Variants in KCTD16 observed in about 807,000 individuals in gnomAD.
KCTD16 encodes the protein BTB/POZ domain-containing protein KCTD16.
In KCTD16, 13 loss-of-function variants were observed where a neutral mutation model predicts 33.2. The observed-to-expected ratio is 0.39, with a 90% CI of 0.25 to 0.62. KCTD16 has a LOEUF of 0.62. Ranked by LOEUF, KCTD16 falls within the 20% of genes least tolerant of loss-of-function variation. KCTD16 has a pLI of 0.50. For synonymous variants in KCTD16, 197 were observed against 195.3 expected (o/e 1.01, Z -0.07); for missense variants, 441 against 525.1 (o/e 0.84, Z 1.57).
intron 3 of KCTD16, among the ~76,000 whole-genome samples, chr5:144,328,737 T>C (rs1250405350): frequency 1.3e-5 from 2 of 152,040 alleles, no homozygotes; most frequent in Non-Finnish European, 2.9e-5. Context: ...CTGCTACTCA[T>C]AGCTGGAGAT....
intron 3 of KCTD16, among the ~76,000 whole-genome samples, chr5:144,456,284 T>C (rs551053656): frequency 1.3e-5 from 2 of 152,300 alleles, no homozygotes; most frequent in Admixed American, 6.5e-5. Flanking sequence ...TGTTTTTACC[T>C]TTAACACTAA....
Position 144,178,239 on chromosome 5 carries a change from T to C in KCTD16, c.-327+3767T>C, listed in dbSNP as rs1170733054. Among the ~76,000 whole-genome samples the C allele has an allele frequency of 5.3e-5, 8 of 152,328 alleles. No individual in the cohort carries two copies. The South Asian group carries it at 6.2e-4, about 12-fold the overall frequency. ...CCAGTTCTTAAACAATGTTATTTTA[T>C]TGATTTTTTTCACTCGTGATGATTT... is the stretch of plus-strand genomic sequence containing the variant. On this transcript the variant is annotated intron_variant, in intron 2 of 3. Coordinates refer to ENST00000512467, the MANE Select transcript of KCTD16 (RefSeq NM_020768.4).
chr5:144,240,024 C>G (rs1040865625), intron 3 of KCTD16, among the ~76,000 whole-genome samples: 2 of 152,064 alleles, frequency 1.3e-5, no homozygotes, highest in Non-Finnish European at 2.9e-5. Context: ...TGGATTACCC[C>G]CTTTAGTCCT....
intron 3 of KCTD16, among the ~76,000 whole-genome samples, chr5:144,218,751 C>T (rs1753640079): frequency 6.6e-6 from 1 of 152,142 alleles, no homozygotes; most frequent in African/African-American, 2.4e-5. Context: ...TGCTGATTTA[C>T]CTTGCTAATC....
intron 3 of KCTD16, among the ~76,000 whole-genome samples, chr5:144,462,585 A>G (rs1167914160): frequency 1.3e-5 from 2 of 151,814 alleles, no homozygotes; most frequent in African/African-American, 4.8e-5. Context: ...AAAAAAAACA[A>G]AAAACTCTTT....
intron 2 of KCTD16, among the ~76,000 whole-genome samples, chr5:144,189,058 G>T (rs1344876107): frequency 6.6e-6 from 1 of 152,302 alleles, no homozygotes; most frequent in South Asian, 2.1e-4. Flanking sequence ...ATCAAAGGAT[G>T]CACTTAGACA....
At chr5:144,388,472 G>A (rs958124651) in intron 3 of KCTD16, among the ~76,000 whole-genome samples, 75 of 151,954 alleles carry the variant, frequency 4.9e-4, no homozygotes, top group Non-Finnish European at 6.2e-4. Context: ...TCTGAATATT[G>A]TCTTGAATGT....
intron 3 of KCTD16, among the ~76,000 whole-genome samples, chr5:144,467,035 T>A (rs1191386492): frequency 1.7e-5 from 1 of 58,366 alleles, no homozygotes; most frequent in African/African-American, 5.0e-5. Flanking sequence ...CACTATATAT[T>A]ATATATAATA....
At chr5:144,420,046 G>T (rs1052124298) in intron 3 of KCTD16, among the ~76,000 whole-genome samples, 1 of 152,108 alleles carries the variant, frequency 6.6e-6, no homozygotes, top group Non-Finnish European at 1.5e-5. Flanking sequence ...AATATTTTGA[G>T]CATGTATCAG....
chr5:144,440,890 TC>T (rs2126976865), intron 3 of KCTD16, among the ~76,000 whole-genome samples: 1 of 105,544 alleles, frequency 9.5e-6, no homozygotes, highest in Admixed American at 1.0e-4. Flanking sequence ...CTGTCCCCCC[TC>T]CCCCCACCCC....
intron 3 of KCTD16, among the ~76,000 whole-genome samples, chr5:144,440,547 T>G (rs1427603345): frequency 6.6e-6 from 1 of 152,008 alleles, no homozygotes; most frequent in Non-Finnish European, 1.5e-5. Flanking sequence ...AATATTTCAC[T>G]GTGGCATGGT....
At chr5:144,397,934 A>C (rs1285055537) in intron 3 of KCTD16, among the ~76,000 whole-genome samples, 1 of 152,208 alleles carries the variant, frequency 6.6e-6, no homozygotes, top group Non-Finnish European at 1.5e-5. Flanking sequence ...AGATGATCCC[A>C]AAAAATAAAA....
rs190630264 is a variant in KCTD16 at position 144,312,182 on chromosome 5, G to A, written c.832+104636G>A. Among the ~76,000 whole-genome samples, 162 of 152,274 alleles carry A rather than the reference G, an allele frequency of 1.1e-3. 1 individual carries two copies. Among genetic ancestry groups the A allele is most frequent in the African/African-American group, 3.6e-3 (150 of 41,572 alleles). Reference sequence around the variant, plus strand: ...AATCAAAGAAATAGGAAATACATTTGACTTGGGTGGCCCTCTTGACATGGG... The same window carrying A: ...AATCAAAGAAATAGGAAATACATTTAACTTGGGTGGCCCTCTTGACATGGG... On this transcript the variant is annotated intron_variant, in intron 3 of 3. Transcript: ENST00000512467.
intron 3 of KCTD16, among the ~76,000 whole-genome samples, chr5:144,272,549 A>G (rs1755327608): frequency 6.6e-6 from 1 of 152,208 alleles, no homozygotes; most frequent in African/African-American, 2.4e-5. Flanking sequence ...GAAAAGTAAT[A>G]CTACATGATT....
intron 3 of KCTD16, among the ~76,000 whole-genome samples, chr5:144,234,939 C>T (rs1452710132): frequency 6.6e-6 from 1 of 152,068 alleles, no homozygotes; most frequent in Admixed American, 6.6e-5. Context: ...GCCTTTCCCA[C>T]GATTTCCTGA....
chr5:144,201,783 T>C (rs28677906), intron 2 of KCTD16, among the ~76,000 whole-genome samples: 42,509 of 151,860 alleles, frequency 0.28, 7,134 homozygotes, highest in African/African-American at 0.47. Flanking sequence ...ATAATGGTGA[T>C]AATGCAGGAA....
At chr5:144,229,781 A>G (rs138634114) in intron 3 of KCTD16, among the ~76,000 whole-genome samples, 6 of 152,260 alleles carry the variant, frequency 3.9e-5, no homozygotes, top group Admixed American at 3.9e-4. Context: ...GAGATTTTCA[A>G]ATGTTTTGTG....
chr5:144,354,248 A>G (rs980853469), intron 3 of KCTD16, among the ~76,000 whole-genome samples: 7 of 152,136 alleles, frequency 4.6e-5, no homozygotes, highest in African/African-American at 7.2e-5. Context: ...CTACCCAACT[A>G]TAAGAACTAC....
chr5:144,300,761 C>T (rs562929226), intron 3 of KCTD16, among the ~76,000 whole-genome samples: 3 of 152,228 alleles, frequency 2.0e-5, no homozygotes, highest in South Asian at 2.1e-4. Context: ...AAGGATTTCA[C>T]ATTATTAAAT....
Sources: gnomAD v4.1 joint callset for allele counts (sites outside exome capture counted in the v4.1 genomes callset) on GRCh38, gnomAD v4.1.1 for gene constraint, MANE v1.5 for transcripts, NCBI Gene and HGNC (gene_info 2026-07-23, HGNC 2026-07-21) for gene names.